SETDB1: variants seen among roughly 807,000 people sequenced by gnomAD.
SETDB1 encodes the protein histone-lysine N-methyltransferase SETDB1.
In SETDB1, 31 loss-of-function variants were observed where a neutral mutation model predicts 137.4. That is an observed-to-expected ratio of 0.23 (90% CI 0.17 to 0.30). The LOEUF (loss-of-function observed/expected upper bound fraction) is 0.30. SETDB1 is among the 10% of genes least tolerant of loss of function. The pLI is 1.00. For missense variants in SETDB1, 1,113 were observed against 1,631.5 expected (o/e 0.68, Z 5.47); for synonymous variants, 548 against 579.9 (o/e 0.95, Z 0.79).
At chr1:150,952,012 G>C (rs1387309215) in intron 14 of SETDB1, among the ~76,000 whole-genome samples, 1 of 152,064 alleles carries the variant, frequency 6.6e-6, no homozygotes, top group Non-Finnish European at 1.5e-5. Flanking sequence ...GCCGGGGGTG[G>C]TGGCGGGTGC....
intron 3 of SETDB1, among the ~76,000 whole-genome samples, chr1:150,936,217 C>G (rs1170551102): frequency 6.6e-6 from 1 of 152,154 alleles, no homozygotes; most frequent in East Asian, 1.9e-4. Context: ...TCTCGATCTC[C>G]TGACCTCGTA....
At chr1:150,945,980 G>A (rs1288301844) in intron 9 of SETDB1, among the ~76,000 whole-genome samples, 1 of 151,526 alleles carries the variant, frequency 6.6e-6, no homozygotes, top group African/African-American at 2.4e-5. Flanking sequence ...GGGATTACAG[G>A]CGTGAGCCAC....
intron 19 of SETDB1, 120 bp from the exon 20 acceptor site, chr1:150,963,410 G>C (rs1415188049): frequency 1.1e-6 from 1 of 921,240 alleles, no homozygotes; most frequent in Non-Finnish European, 1.7e-6. Flanking sequence ...TTGAGTTCCA[G>C]CTTATTGGTG....
chr1:150,957,238 T>C (rs1044337523), intron 14 of SETDB1, among the ~76,000 whole-genome samples: 4 of 152,032 alleles, frequency 2.6e-5, no homozygotes, highest in Admixed American at 6.6e-5. Flanking sequence ...TATGATGGCA[T>C]GCACCTATAA....
chr1:150,963,177 A>T (rs768641665), intron 19 of SETDB1, 38 bp downstream of exon 19: 59 of 1,582,930 alleles, frequency 3.7e-5, no homozygotes, highest in Admixed American at 1.7e-4. Context: ...GGGAAGAAAT[A>T]GTAAGAAACT....
chr1:150,950,451 T>TA lies in SETDB1; in HGVS notation c.1584-7_1584-6insA. ...TTCCGATCTGATCACTTGCATCTCATTTGCAGATCACCTTTAGGCTCCACA... is the reference window on the plus strand; with the variant it reads ...TTCCGATCTGATCACTTGCATCTCATATTGCAGATCACCTTTAGGCTCCACA... On this transcript the variant is annotated splice_region_variant and splice_polypyrimidine_tract_variant and intron_variant, in intron 12 of 21. Transcript: ENST00000692827. The TA allele has an allele frequency of 1.3e-6, 2 of 1,567,872 alleles. No individual in the cohort carries two copies. The highest frequency in any genetic ancestry group is 1.7e-6 in the Non-Finnish European group (2 of 1,157,342).
At position 150,955,657 on chromosome 1, in the gene SETDB1, T is replaced by C. The variant is rs181436768; in HGVS notation, c.2334-3521T>C. On this transcript the variant is annotated intron_variant, in intron 14 of 21. Transcript: ENST00000692827. The stretch of plus-strand genomic sequence containing the variant: ...CATTGAGCACCATGTTTGTGTTCTT[T>C]ATAGCATTTATGACAACTTTTGTTG... Among the ~76,000 whole-genome samples the C allele has an allele frequency of 1.2e-3, 182 of 152,378 alleles. 1 individual carries two copies. The highest frequency in any genetic ancestry group is 2.2e-3 in the Non-Finnish European group (152 of 68,036).
chr1:150,961,040 GTGGTTTTGC>G lies in SETDB1; in HGVS notation c.2984_2992del (p.Gly995_Ala997del). On this transcript the variant is annotated inframe_deletion, in exon 16 of 22. Coordinates refer to ENST00000692827, the MANE Select transcript of SETDB1 (RefSeq NM_001366418.1). Reference sequence around the variant, plus strand: ...TTGAGCTGCAATAGTGTCAGTGAAGGTGGTTTTGCTGACTCTGATAGCCATTCATCCTTC... The same window carrying G: ...TTGAGCTGCAATAGTGTCAGTGAAGGTGACTCTGATAGCCATTCATCCTTC... 1 of 1,613,882 alleles carries G rather than the reference GTGGTTTTGC, an allele frequency of 6.2e-7. No individual in the cohort carries two copies. The highest frequency in any genetic ancestry group is 2.2e-5 in the East Asian group (1 of 44,872).
intron 3 of SETDB1, among the ~76,000 whole-genome samples, chr1:150,937,700 C>T (rs1669989240): frequency 6.6e-6 from 1 of 152,094 alleles, no homozygotes. Context: ...CTTTTGGTTC[C>T]TCAAAAGGTT....
At chr1:150,926,931 C>A in intron 1 of SETDB1, 1 of 476,668 alleles carries the variant, frequency 2.1e-6, no homozygotes. Context: ...CACATGGAAG[C>A]AAAGTAATAT....
At chr1:150,926,667 C>A in intron 1 of SETDB1, 150 bp downstream of exon 1, 1 of 507,588 alleles carries the variant, frequency 2.0e-6, no homozygotes, top group Admixed American at 2.2e-5. Flanking sequence ...GGGTAGGACG[C>A]ACCCCTAGAA....
In SETDB1 at chr1:150,928,059, A is replaced by G. The variant is rs1212634158; in HGVS notation, c.260+85A>G. 10 of 1,459,716 alleles carry G rather than the reference A, an allele frequency of 6.9e-6. 1 individual carries two copies. Among genetic ancestry groups the G allele is most frequent in the Non-Finnish European group, 1.9e-6 (2 of 1,063,330 alleles). The allele number at this position is 1,459,716 out of a possible 1,614,324, so 90.4% of individuals were successfully genotyped here. A position where few individuals can be genotyped will look rare whatever the true frequency, so the allele number is the denominator to read the frequency against. The stretch of plus-strand genomic sequence containing the variant: ...AATTGTTCATGACATTGAACCAAGC[A>G]TTTTATTTTATGTTTTGAGACGGAG... On this transcript the variant is annotated intron_variant, in intron 2 of 21. Coordinates refer to ENST00000692827, the MANE Select transcript of SETDB1 (RefSeq NM_001366418.1).
At chr1:150,934,509 G>A (rs1159776718) in intron 3 of SETDB1, among the ~76,000 whole-genome samples, 2 of 152,034 alleles carry the variant, frequency 1.3e-5, no homozygotes, top group Non-Finnish European at 1.5e-5. Flanking sequence ...CTTTGCACCA[G>A]CATACTTCTA....
At chr1:150,941,163 C>CA (rs1173132319) in intron 4 of SETDB1, among the ~76,000 whole-genome samples, 166 bp from the exon 5 acceptor site, 7 of 150,976 alleles carry the variant, frequency 4.6e-5, no homozygotes, top group Non-Finnish European at 8.9e-5. Context: ...AACTCCATAT[C>CA]AAAAAAAAAG....
chr1:150,940,146 C>CA (rs1282600470), intron 4 of SETDB1, among the ~76,000 whole-genome samples, 172 bp downstream of exon 4: 2 of 152,060 alleles, frequency 1.3e-5, no homozygotes, highest in East Asian at 3.9e-4. Flanking sequence ...AAGAGGTTAG[C>CA]AAAAAATGCT....
chr1:150,943,747 ACT>A (rs1670233707), intron 7 of SETDB1, among the ~76,000 whole-genome samples, 171 bp from the exon 8 acceptor site: 3 of 152,200 alleles, frequency 2.0e-5, no homozygotes, highest in Admixed American at 2.0e-4. Context: ...AGAACTCCTA[ACT>A]CTCAAGTTGA....
At chr1:150,946,848 A>AAGCT in intron 9 of SETDB1, 38 bp from the exon 10 acceptor site, 1 of 1,612,422 alleles carries the variant, frequency 6.2e-7, no homozygotes, top group Non-Finnish European at 8.5e-7. Flanking sequence ...TCTAGCCTTT[A>AAGCT]AGCTATTTCC....
At chr1:150,953,159 A>G (rs1670545184) in intron 14 of SETDB1, among the ~76,000 whole-genome samples, 1 of 152,186 alleles carries the variant, frequency 6.6e-6, no homozygotes, top group Admixed American at 6.5e-5. Flanking sequence ...GAGGAGGGTG[A>G]GGCCGAAAGA....
Position 150,964,520 on chromosome 1 carries a change from A to G in SETDB1, c.*156A>G, listed in dbSNP as rs762877384. ...GTTCTGGACCAGATGATCCCTTCCA[A>G]TGTGGTGCTAGCAGGCAGGATCCCT... On this transcript the variant is annotated 3_prime_UTR_variant, in exon 22 of 22. Coordinates refer to ENST00000692827, the MANE Select transcript of SETDB1 (RefSeq NM_001366418.1). 16 of 711,874 alleles carry G rather than the reference A, an allele frequency of 2.2e-5. No homozygotes were observed. The highest frequency in any genetic ancestry group is 1.2e-4 in the African/African-American group (7 of 57,290). The allele number at this position is 711,874 out of a possible 1,614,324, so 44.1% of individuals were successfully genotyped here.
Sources: allele counts gnomAD v4.1 joint callset (sites outside exome capture counted in the v4.1 genomes callset), GRCh38; gene constraint gnomAD v4.1.1; transcripts MANE v1.5; gene names NCBI Gene and HGNC (gene_info 2026-07-23, HGNC 2026-07-21).